ZSCAN5A: variants seen among roughly 807,000 people sequenced by gnomAD.
The protein encoded by ZSCAN5A is zinc finger and SCAN domain containing 5A.
A neutral mutation model predicts 23.7 loss-of-function variants in ZSCAN5A; 12 were observed. The ratio of observed to expected loss-of-function variants is 0.51; its 90% confidence interval spans 0.32 to 0.82. ZSCAN5A has a LOEUF of 0.82. Among genes scored for constraint, ZSCAN5A ranks in the 40% least tolerant of loss-of-function variants. ZSCAN5A has a pLI of 0.03. For synonymous variants in ZSCAN5A, 257 were observed against 239.9 expected (o/e 1.07, Z -0.66); for missense variants, 597 against 617.9 (o/e 0.97, Z 0.36).
intron 2 of ZSCAN5A, among the ~76,000 whole-genome samples, chr19:56,279,124 T>G (rs1244071244): frequency 6.6e-6 from 1 of 152,158 alleles, no homozygotes; most frequent in Non-Finnish European, 1.5e-5. Context: ...AATAAACGTC[T>G]TACTGCTATA....
intron 2 of ZSCAN5A, chr19:56,296,340 G>A (rs181287879): frequency 1.3e-5 from 2 of 152,322 alleles, no homozygotes; most frequent in East Asian, 3.9e-4. Context: ...CCTTAGGCTT[G>A]CTGAGCCTCC....
At chr19:56,325,121 G>C (rs963380879) in intron 2 of ZSCAN5A, among the ~76,000 whole-genome samples, 2 of 152,244 alleles carry the variant, frequency 1.3e-5, no homozygotes, top group African/African-American at 4.8e-5. Flanking sequence ...AGTCTGGTGA[G>C]TGTAAATAGA....
At chr19:56,321,234 A>T in intron 2 of ZSCAN5A, 1 of 672,172 alleles carries the variant, frequency 1.5e-6, no homozygotes, top group Non-Finnish European at 2.8e-6. Flanking sequence ...ATGGTGTGTA[A>T]TATCAGTTGG....
At chr19:56,308,169 G>A (rs1280813978) in intron 2 of ZSCAN5A, among the ~76,000 whole-genome samples, 2 of 152,216 alleles carry the variant, frequency 1.3e-5, no homozygotes, top group Non-Finnish European at 2.9e-5. Flanking sequence ...AAGTAGCTGG[G>A]ACTACAGGCG....
chr19:56,322,711 A>AATCTCAG (rs1325697190), intron 2 of ZSCAN5A, among the ~76,000 whole-genome samples: 5 of 152,052 alleles, frequency 3.3e-5, no homozygotes, highest in African/African-American at 1.2e-4. Context: ...CAGGCACCAA[A>AATCTCAG]ATCTCAGGCT....
chr19:56,310,066 A>C (rs2304122), intron 2 of ZSCAN5A: 1 of 152,216 alleles, frequency 6.6e-6, no homozygotes, highest in Non-Finnish European at 1.5e-5. Context: ...GGCAAGGAGT[A>C]TGAGAATGCA....
At chr19:56,346,165 T>C (rs1189474691) in intron 2 of ZSCAN5A, among the ~76,000 whole-genome samples, 1 of 120,462 alleles carries the variant, frequency 8.3e-6, no homozygotes, top group African/African-American at 3.1e-5. Context: ...AAAAAAAAGG[T>C]AGAGTTGATA....
chr19:56,346,033 T>C (rs1348965745), intron 2 of ZSCAN5A, among the ~76,000 whole-genome samples: 3 of 151,614 alleles, frequency 2.0e-5, no homozygotes, highest in Non-Finnish European at 2.9e-5. Flanking sequence ...CCTCAGACTA[T>C]GATAAACTAT....
intron 2 of ZSCAN5A, among the ~76,000 whole-genome samples, chr19:56,323,905 T>C (rs1233471500): frequency 6.6e-6 from 1 of 152,150 alleles, no homozygotes; most frequent in African/African-American, 2.4e-5. Context: ...TTTTGATGCA[T>C]GCATACAATG....
chr19:56,270,287 G>A (rs1283961895), intron 2 of ZSCAN5A, among the ~76,000 whole-genome samples: 7 of 152,174 alleles, frequency 4.6e-5, no homozygotes, highest in Middle Eastern at 6.8e-3. Context: ...GTGTGGTGGC[G>A]CACGCCTGTA....
chr19:56,324,602 T>C (rs1271026585), intron 2 of ZSCAN5A, among the ~76,000 whole-genome samples: 16 of 122,602 alleles, frequency 1.3e-4, no homozygotes, highest in African/African-American at 4.5e-4. Context: ...AAAAATAGAA[T>C]CCCCATGTGA....
rs1034723500 is a variant in ZSCAN5A at position 56,351,786 on chromosome 19, A to G, written c.-358+11449T>C. 8.5e-5 allele frequency among the ~76,000 whole-genome samples: 13 copies of G among 152,132 alleles called. No homozygotes were observed. The highest frequency in any genetic ancestry group is 1.8e-4 in the Non-Finnish European group (12 of 68,012). On this transcript the variant is annotated intron_variant, in intron 2 of 6. Coordinates refer to the ZSCAN5A transcript ENST00000587340. The surrounding 1 kb of genome is among the most constrained non-coding windows in gnomAD (Gnocchi z 4.8). ...GCATCTTAACCTGTCGCAGAACAAGAAAAGTGGTGCCGCTAAGATTGCACA... is the reference window on the plus strand; with the variant it reads ...GCATCTTAACCTGTCGCAGAACAAGGAAAGTGGTGCCGCTAAGATTGCACA...
At chr19:56,284,082 C>A in intron 2 of ZSCAN5A, 1 of 753,634 alleles carries the variant, frequency 1.3e-6, no homozygotes, top group Non-Finnish European at 1.6e-6. Context: ...AGCATCTGAC[C>A]TCGTTTTTGG....
intron 2 of ZSCAN5A, chr19:56,320,634 A>AATG: frequency 1.4e-6 from 1 of 715,712 alleles, no homozygotes; most frequent in Non-Finnish European, 2.6e-6. Context: ...TAATAATAAT[A>AATG]ATAAGCCAGG....
chr19:56,355,630 A>C (rs2147464208), intron 2 of ZSCAN5A, among the ~76,000 whole-genome samples: 1 of 149,354 alleles, frequency 6.7e-6, no homozygotes, highest in South Asian at 2.1e-4. Flanking sequence ...AAAATGATTT[A>C]TAACAGAAAA....
At chr19:56,333,759 G>A (rs1005755293) in intron 2 of ZSCAN5A, among the ~76,000 whole-genome samples, 2 of 152,004 alleles carry the variant, frequency 1.3e-5, no homozygotes, top group African/African-American at 4.8e-5. Context: ...CCAGACATGA[G>A]AAGAGTCCAT....
At chr19:56,244,009 T>G (rs538033555) in intron 2 of ZSCAN5A, 39 of 755,682 alleles carry the variant, frequency 5.2e-5, no homozygotes, top group Middle Eastern at 2.4e-4. Flanking sequence ...GGAAGAACTT[T>G]CTCAGAGACT....
intron 2 of ZSCAN5A, chr19:56,246,710 G>A: frequency 8.8e-7 from 1 of 1,134,168 alleles, no homozygotes; most frequent in Non-Finnish European, 1.3e-6. Context: ...TAACTGTTGT[G>A]TGTGGAATCC....
At chr19:56,334,498 A>G (rs761388033) in intron 2 of ZSCAN5A, among the ~76,000 whole-genome samples, 2 of 152,202 alleles carry the variant, frequency 1.3e-5, no homozygotes, top group Non-Finnish European at 2.9e-5. Context: ...GTAGGTGTAT[A>G]TGTTTATGGG....
Sources: allele counts gnomAD v4.1 joint callset (sites outside exome capture counted in the v4.1 genomes callset), GRCh38; gene constraint gnomAD v4.1.1; non-coding constraint Gnocchi (gnomAD v3.1); transcripts MANE v1.5; gene names NCBI Gene and HGNC (gene_info 2026-07-23, HGNC 2026-07-21).